Variants in DPYSL2 observed in about 807,000 individuals in gnomAD.
DPYSL2 encodes dihydropyrimidinase-related protein 2.
In DPYSL2, 13 loss-of-function variants were observed where a neutral mutation model predicts 69.9. The ratio of observed to expected loss-of-function variants is 0.19; its 90% CI spans 0.12 to 0.30. The LOEUF is 0.30. Ranked by LOEUF, DPYSL2 falls within the 10% of genes least tolerant of loss-of-function variation. The pLI, the probability that DPYSL2 is intolerant of heterozygous loss-of-function variation, is 1.00. For missense variants in DPYSL2, 587 were observed against 918.9 expected, an observed-to-expected ratio of 0.64 and a Z score of 4.67; for synonymous variants, 326 against 359.1, an observed-to-expected ratio of 0.91 and a Z score of 1.04.
chr8:26,620,979 G>A lies in DPYSL2; in HGVS notation c.629-3164G>A, dbSNP rs567225273. On this transcript the variant is annotated intron_variant, in intron 3 of 13. Coordinates refer to ENST00000521913, the MANE Select transcript of DPYSL2 (RefSeq NM_001197293.3). The surrounding 1 kb of genome is among the most constrained non-coding windows in gnomAD (Gnocchi z 4.5). ...CACATATACACATATAAATACACAC[G>A]TACATACATACACATACATACATGC... Among the ~76,000 whole-genome samples the A allele has an allele frequency of 2.6e-5, 4 of 152,054 alleles. No homozygotes were observed. The highest frequency in any genetic ancestry group is 5.9e-5 in the Non-Finnish European group (4 of 67,990).
rs541067685 is a variant in DPYSL2, at chr8:26,534,184, A to ATT, written c.354+19512_354+19513dup. On this transcript the variant is annotated intron_variant, in intron 1 of 13. Transcript: ENST00000521913. ...ATTTATATGGACTATTTCACTTAAT[A>ATT]TTTTTTTTATTTTTGAGACTGAGTC... Among the ~76,000 whole-genome samples, 57 of 152,036 alleles carry ATT rather than the reference A, an allele frequency of 3.7e-4. 1 individual carries two copies. Among genetic ancestry groups the ATT allele is most frequent in the African/African-American group, 1.0e-3 (43 of 41,460 alleles).
intron 1 of DPYSL2, among the ~76,000 whole-genome samples, chr8:26,547,361 T>G (rs1417280551): frequency 1.9e-5 from 2 of 104,226 alleles, no homozygotes; most frequent in African/African-American, 9.3e-5. Context: ...AGACCCTGAT[T>G]GAAAAAAAAA....
At chr8:26,608,608 C>G (rs1310345517) in intron 3 of DPYSL2, among the ~76,000 whole-genome samples, 1 of 152,190 alleles carries the variant, frequency 6.6e-6, no homozygotes, top group African/African-American at 2.4e-5. Context: ...TAATTAAAAG[C>G]TCCCTGAACA....
At chr8:26,596,146 C>A (rs536741335) in intron 3 of DPYSL2, among the ~76,000 whole-genome samples, 1 of 152,104 alleles carries the variant, frequency 6.6e-6, no homozygotes, top group East Asian at 1.9e-4. Context: ...TGAGGGAGGA[C>A]CTAATCTTTT....
chr8:26,578,490 G>C, intron 1 of DPYSL2: 1 of 1,443,480 alleles, frequency 6.9e-7, no homozygotes, highest in Non-Finnish European at 9.0e-7. Context: ...CGCATCGTTT[G>C]CAAGGCATTA....
At chr8:26,553,367 C>CG (rs2117638813) in intron 1 of DPYSL2, among the ~76,000 whole-genome samples, 1 of 58,824 alleles carries the variant, frequency 1.7e-5, no homozygotes, top group African/African-American at 4.6e-5. Flanking sequence ...TTCTGATCCT[C>CG]TCCCTCCTCC....
intron 3 of DPYSL2, among the ~76,000 whole-genome samples, chr8:26,615,139 A>G (rs4733013): frequency 0.78 from 118,920 of 152,060 alleles, 46,861 homozygotes; most frequent in African/African-American, 0.81. Context: ...ATGTGAGCGG[A>G]TTACTTAATC....
rs908079844 is a variant in DPYSL2, at chr8:26,571,670, C to T, written c.355-10299C>T. On this transcript the variant is annotated intron_variant, in intron 1 of 13. Coordinates refer to ENST00000521913, the MANE Select transcript of DPYSL2 (RefSeq NM_001197293.3). This position sits in a 1 kb window ranked among gnomAD's most constrained non-coding sequence, Gnocchi z 6.1. ...GACAGATGAGCTTCTTGTCTTCCTG[C>T]AGGGAGGATGTGTCCTCAGAATCCT... Among the ~76,000 whole-genome samples the T allele has an allele frequency of 1.3e-5, 2 of 152,170 alleles. No homozygotes were observed. The highest frequency in any genetic ancestry group is 2.9e-5 in the Non-Finnish European group (2 of 68,030).
intron 8 of DPYSL2, among the ~76,000 whole-genome samples, chr8:26,635,752 G>A (rs183298291): frequency 8.6e-5 from 13 of 152,016 alleles, no homozygotes; most frequent in African/African-American, 2.9e-4. Context: ...CTCCATCTCT[G>A]TGTCTCCACT....
intron 8 of DPYSL2, among the ~76,000 whole-genome samples, chr8:26,636,843 C>T (rs139510735): frequency 0.03 from 4,608 of 152,200 alleles, 242 homozygotes; most frequent in African/African-American, 0.11. Flanking sequence ...TGGACTCAAG[C>T]GATTCTCCCG....
At chr8:26,524,573 G>C (rs896280664) in intron 1 of DPYSL2, among the ~76,000 whole-genome samples, 1 of 152,054 alleles carries the variant, frequency 6.6e-6, no homozygotes, top group Non-Finnish European at 1.5e-5. Flanking sequence ...CAAGGTGGGC[G>C]GATCACCTGA....
Position 26,519,085 on chromosome 8 carries a change from A to T in DPYSL2, c.354+4406A>T, listed in dbSNP as rs57519035. On this transcript the variant is annotated intron_variant, in intron 1 of 13. Coordinates refer to ENST00000521913, the MANE Select transcript of DPYSL2 (RefSeq NM_001197293.3). The stretch of plus-strand genomic sequence containing the variant: ...TCTGGCCATGACCTTTGCATATTGC[A>T]TATGCAATGTTATGTGGTTCACAAA... Among the ~76,000 whole-genome samples the T allele has an allele frequency of 4.5e-4, 69 of 152,320 alleles. 2 individuals carry two copies. In the East Asian group the frequency reaches 0.012, roughly 27 times the overall value.
At chr8:26,645,638 C>G (rs1280952406) in intron 10 of DPYSL2, among the ~76,000 whole-genome samples, 1 of 152,174 alleles carries the variant, frequency 6.6e-6, no homozygotes, top group Non-Finnish European at 1.5e-5. Flanking sequence ...CAACCTCCGT[C>G]TCCCGGGTTC....
intron 7 of DPYSL2, among the ~76,000 whole-genome samples, chr8:26,629,608 G>T (rs1802696196): frequency 6.6e-6 from 1 of 152,228 alleles, no homozygotes; most frequent in Non-Finnish European, 1.5e-5. Context: ...GGATGAGGGA[G>T]GCAGGCAAGC....
At chr8:26,548,062 T>A in intron 1 of DPYSL2, 1 of 249,916 alleles carries the variant, frequency 4.0e-6, no homozygotes, top group Non-Finnish European at 8.2e-6. Flanking sequence ...ATCACATGGA[T>A]CCAGCATCTG....
At chr8:26,529,394 ATCATAGC>A (rs1283793559) in intron 1 of DPYSL2, among the ~76,000 whole-genome samples, 2 of 151,834 alleles carry the variant, frequency 1.3e-5, no homozygotes, top group East Asian at 3.9e-4. Context: ...CAGTGATGTG[ATCATAGC>A]TCATTGCAGC....
intron 1 of DPYSL2, among the ~76,000 whole-genome samples, chr8:26,520,362 C>T (rs1206479543): frequency 6.6e-6 from 1 of 152,104 alleles, no homozygotes; most frequent in Non-Finnish European, 1.5e-5. Flanking sequence ...GGATATGTGA[C>T]TAGAGAGCTT....
Position 26,587,774 on chromosome 8 carries a change from C to T in DPYSL2, c.628+3791C>T, listed in dbSNP as rs866672513. On this transcript the variant is annotated intron_variant, in intron 3 of 13. Transcript: ENST00000521913. This position sits in a 1 kb window ranked among gnomAD's most constrained non-coding sequence, Gnocchi z 4.2. ...CCGGCTGAGGGGTTGCGGGGGCGGC[C>T]GCATTGCTGCTTGGGGAAAACCCTA... 1.3e-5 allele frequency among the ~76,000 whole-genome samples: 2 copies of T among 152,058 alleles called. No individual in the cohort carries two copies. Among genetic ancestry groups the T allele is most frequent in the Non-Finnish European group, 2.9e-5 (2 of 68,004 alleles).
At chr8:26,611,601 T>C (rs2129854536) in intron 3 of DPYSL2, among the ~76,000 whole-genome samples, 1 of 152,348 alleles carries the variant, frequency 6.6e-6, no homozygotes, top group South Asian at 2.1e-4. Flanking sequence ...AATGCCTGTC[T>C]AATTACAGGA....
Sources: allele counts gnomAD v4.1 joint callset (sites outside exome capture counted in the v4.1 genomes callset), GRCh38; gene constraint gnomAD v4.1.1; non-coding constraint Gnocchi (gnomAD v3.1); transcripts MANE v1.5; gene names NCBI Gene and HGNC (gene_info 2026-07-23, HGNC 2026-07-21).